The following PRELID2 variants were observed in gnomAD, a reference collection of about 807,000 sequenced individuals.
PRELID2 encodes PRELI domain containing 2.
Under a neutral mutation model 28.4 loss-of-function variants are expected in PRELID2, and 25 were observed. The ratio of observed to expected loss-of-function variants is 0.88; its 90% CI spans 0.64 to 1.23. PRELID2 has a LOEUF of 1.23. Among genes scored for constraint, PRELID2 ranks in the 50% most tolerant of loss-of-function variants. The probability of loss-of-function intolerance (pLI) is 0.00; values close to 1 mark genes in which losing one functional copy is unlikely to be tolerated. For synonymous variants in PRELID2, 76 were observed against 71.6 expected (o/e 1.06, Z -0.31); for missense variants, 201 against 214.4 (o/e 0.94, Z 0.39).
intron 1 of PRELID2, among the ~76,000 whole-genome samples, chr5:145,694,216 A>G (rs1260253422): frequency 6.6e-6 from 1 of 152,222 alleles, no homozygotes; most frequent in African/African-American, 2.4e-5. Flanking sequence ...CATTTACAGT[A>G]TATTTCTGTT....
intron 2 of PRELID2, among the ~76,000 whole-genome samples, chr5:145,821,739 A>T (rs975981269): frequency 6.6e-6 from 1 of 152,220 alleles, no homozygotes; most frequent in African/African-American, 2.4e-5. Flanking sequence ...CTCGAAATGG[A>T]TTAGCCACTC....
the PRELID2 span, among the ~76,000 whole-genome samples, chr5:145,260,494 C>A: frequency 1.3e-5 from 2 of 152,122 alleles, no homozygotes; most frequent in Admixed American, 1.3e-4. Context: ...AGAATGTACC[C>A]AATAACAGCC....
the PRELID2 span, among the ~76,000 whole-genome samples, chr5:145,376,450 T>TG: frequency 6.6e-6 from 1 of 152,184 alleles, no homozygotes; most frequent in Non-Finnish European, 1.5e-5. Context: ...TCAATTTTTT[T>TG]GTAATAGCTT....
At chr5:145,671,128 G>T (rs1050242150) in intron 1 of PRELID2, among the ~76,000 whole-genome samples, 3 of 152,168 alleles carry the variant, frequency 2.0e-5, no homozygotes, top group Non-Finnish European at 4.4e-5. Context: ...TGACAAAAAT[G>T]TTCCTCTCAG....
intron 1 of PRELID2, among the ~76,000 whole-genome samples, chr5:145,543,184 T>C (rs913946102): frequency 6.6e-6 from 1 of 152,122 alleles, no homozygotes; most frequent in African/African-American, 2.4e-5. Context: ...ATCATTTGAA[T>C]AATACCTGAT....
chr5:145,670,698 A>T (rs1362292381), intron 1 of PRELID2, among the ~76,000 whole-genome samples: 1 of 152,046 alleles, frequency 6.6e-6, no homozygotes, highest in Non-Finnish European at 1.5e-5. Flanking sequence ...TCTTGACCCC[A>T]ACCTCCTCAC....
intron 1 of PRELID2, among the ~76,000 whole-genome samples, chr5:145,511,071 T>A (rs1295017366): frequency 6.6e-6 from 1 of 152,164 alleles, no homozygotes; most frequent in Non-Finnish European, 1.5e-5. Context: ...GTGATGTCAG[T>A]CATGTCGCCT....
the PRELID2 span, among the ~76,000 whole-genome samples, chr5:145,335,721 C>A: frequency 6.6e-6 from 1 of 152,284 alleles, no homozygotes; most frequent in South Asian, 2.1e-4. Flanking sequence ...CAAGTTTAAG[C>A]CAACAAATGC....
At chr5:145,613,553 G>C (rs1326103020) in intron 1 of PRELID2, among the ~76,000 whole-genome samples, 1 of 148,664 alleles carries the variant, frequency 6.7e-6, no homozygotes, top group African/African-American at 2.5e-5. Context: ...GCAAACTATT[G>C]CAAGGACAAA....
the PRELID2 span, among the ~76,000 whole-genome samples, chr5:145,428,215 T>G: frequency 6.6e-6 from 1 of 152,086 alleles, no homozygotes; most frequent in Non-Finnish European, 1.5e-5. Context: ...CATCTCAGCC[T>G]CCCAAAGTGC....
intron 1 of PRELID2, among the ~76,000 whole-genome samples, chr5:145,627,089 G>A (rs1410004639): frequency 3.0e-5 from 2 of 67,552 alleles, no homozygotes; most frequent in Non-Finnish European, 5.5e-5. Context: ...GACAGAGTAA[G>A]ACTCTCCCAA....
intron 5 of PRELID2, among the ~76,000 whole-genome samples, chr5:145,793,955 C>T (rs1415824006): frequency 6.6e-6 from 1 of 152,142 alleles, no homozygotes; most frequent in African/African-American, 2.4e-5. Flanking sequence ...GTGGTCATGG[C>T]AGAGAATGAG....
intron 1 of PRELID2, among the ~76,000 whole-genome samples, chr5:145,672,501 G>GAA (rs752045360): frequency 0.15 from 15,044 of 98,896 alleles, 1,132 homozygotes; most frequent in African/African-American, 0.25. Context: ...CGGAGCTTGT[G>GAA]AAAAAAAAAA....
At chr5:145,438,979 C>T in the PRELID2 span, among the ~76,000 whole-genome samples, 1 of 152,276 alleles carries the variant, frequency 6.6e-6, no homozygotes, top group Middle Eastern at 3.4e-3. Context: ...GCGATGCTGT[C>T]AGCTTCTTGA....
At chr5:145,377,413 T>C in the PRELID2 span, among the ~76,000 whole-genome samples, 1 of 152,208 alleles carries the variant, frequency 6.6e-6, no homozygotes, top group African/African-American at 2.4e-5. Context: ...GATCCAGTGC[T>C]GAGTTCAGGT....
At chr5:145,359,637 C>G in the PRELID2 span, among the ~76,000 whole-genome samples, 158 of 152,272 alleles carry the variant, frequency 1.0e-3, 1 homozygote, top group African/African-American at 3.7e-3. Context: ...CTCCTTGGAG[C>G]AAGTTAAAAA....
At chr5:145,425,170 TGA>T in the PRELID2 span, among the ~76,000 whole-genome samples, 1 of 152,160 alleles carries the variant, frequency 6.6e-6, no homozygotes, top group African/African-American at 2.4e-5. Context: ...TCAGCATCAC[TGA>T]TCATTAAAGA....
chr5:145,658,216 T>C (rs1215377638), intron 1 of PRELID2, among the ~76,000 whole-genome samples: 2 of 152,112 alleles, frequency 1.3e-5, no homozygotes, highest in East Asian at 1.9e-4. Flanking sequence ...AACAAAAAAA[T>C]GTTAAAGGAA....
Position 145,835,301 on chromosome 5 carries a change from A to AGCTGCCCAGG in PRELID2, c.-60_-51dup. 1 of 1,370,536 alleles carries AGCTGCCCAGG rather than the reference A, an allele frequency of 7.3e-7. No individual in the cohort carries two copies. The highest frequency in any genetic ancestry group is 1.0e-6 in the Non-Finnish European group (1 of 988,228). The allele number at this position is 1,370,536 out of a possible 1,614,324, so 84.9% of individuals were successfully genotyped here. ...ACCGGCCACGCCTCCGCGAGCTCAG[A>AGCTGCCCAGG]GCTGCCCAGGGCTCCGCAGAGGCCC... On this transcript the variant is annotated 5_prime_UTR_variant, in exon 1 of 7. Coordinates refer to ENST00000683046, the MANE Select transcript of PRELID2 (RefSeq NM_205846.3).
Sources: allele counts gnomAD v4.1 joint callset (sites outside exome capture counted in the v4.1 genomes callset), GRCh38; gene constraint gnomAD v4.1.1; transcripts MANE v1.5; gene names NCBI Gene and HGNC (gene_info 2026-07-23, HGNC 2026-07-21).